The following CASQ2 variants were observed in gnomAD, a reference collection of about 807,000 sequenced individuals.
The protein encoded by CASQ2 is calsequestrin 2, also known as calsequestrin-2.
CASQ2 carries 49 observed loss-of-function variants against 46.5 expected under a neutral mutation model. That is an observed-to-expected ratio of 1.05 (90% CI 0.84 to 1.34). The LOEUF is 1.34. Ranked by LOEUF, CASQ2 falls within the 40% of genes most tolerant of loss-of-function variation. The pLI is 0.00. For synonymous variants in CASQ2, 174 were observed against 168.5 expected (o/e 1.03, Z -0.25); for missense variants, 486 against 481.3 (o/e 1.01, Z -0.09).
rs552524244 is a variant in CASQ2 at position 115,757,983 on chromosome 1, A to G, written c.234+10325T>C. On this transcript the variant is annotated intron_variant, in intron 1 of 10. Transcript: ENST00000261448. ...GCCAAGCAACAGCCCATTGGCTCGC[A>G]TTAGTCATTTAGGTTCAACACATAG... is the stretch of plus-strand genomic sequence containing the variant. Among the ~76,000 whole-genome samples, 99 of 152,320 alleles carry G rather than the reference A, an allele frequency of 6.5e-4. 1 individual carries two copies. Among genetic ancestry groups the G allele is most frequent in the Non-Finnish European group, 1.2e-3 (79 of 68,032 alleles).
At chr1:115,759,031 A>G (rs1343988036) in intron 1 of CASQ2, among the ~76,000 whole-genome samples, 1 of 152,232 alleles carries the variant, frequency 6.6e-6, no homozygotes, top group East Asian at 1.9e-4. Flanking sequence ...GTGCATGGAA[A>G]GTGTGATTTA....
intron 1 of CASQ2, among the ~76,000 whole-genome samples, chr1:115,748,876 A>G (rs758656273): frequency 6.6e-6 from 1 of 152,162 alleles, no homozygotes. Flanking sequence ...AGCCTCTGAC[A>G]GTGGTTCTTA....
intron 8 of CASQ2, among the ~76,000 whole-genome samples, chr1:115,706,243 A>C (rs924855039): frequency 1.3e-5 from 2 of 152,138 alleles, no homozygotes; most frequent in African/African-American, 4.8e-5. Context: ...CCATGTGTGC[A>C]TGTGTGTCCA....
intron 1 of CASQ2, among the ~76,000 whole-genome samples, chr1:115,750,398 C>T (rs1648537366): frequency 1.3e-5 from 2 of 152,156 alleles, no homozygotes; most frequent in African/African-American, 4.8e-5. Flanking sequence ...AGCCTCTGGG[C>T]ATTGGTCAGT....
At chr1:115,728,112 A>C (rs1036719879) in intron 5 of CASQ2, among the ~76,000 whole-genome samples, 11 of 152,108 alleles carry the variant, frequency 7.2e-5, no homozygotes, top group Admixed American at 3.9e-4. Context: ...ATTGCCTAAG[A>C]GCTGATGCAC....
intron 9 of CASQ2, among the ~76,000 whole-genome samples, chr1:115,704,813 T>G (rs1654308699): frequency 6.6e-6 from 1 of 152,222 alleles, no homozygotes; most frequent in Non-Finnish European, 1.5e-5. Flanking sequence ...ATCTCTGATT[T>G]TTATTACTTA....
rs145482197 is a variant in CASQ2 at position 115,726,964 on chromosome 1, C to T, written c.737+28G>A. On this transcript the variant is annotated intron_variant, in intron 6 of 10. Transcript: ENST00000261448. ...CTCTCCATTCCCCAGACCCCAGGCCCCCAGCCCCCACATGCCATCTCAGGC... is the reference window on the plus strand; with the variant it reads ...CTCTCCATTCCCCAGACCCCAGGCCTCCAGCCCCCACATGCCATCTCAGGC... 7.4e-4 allele frequency: 1,125 copies of T among 1,511,160 alleles called. 9 individuals carry two copies. In the African/African-American group the frequency reaches 0.014, roughly 19 times the overall value. 93.6% of individuals were successfully genotyped at this position (1,511,160 alleles called of 1,614,324 possible).
rs890900923 is a variant in CASQ2 at position 115,700,713 on chromosome 1, G to C, written c.*528C>G. 2.9e-6 allele frequency: 1 copy of C among 349,416 alleles called. No individual in the cohort carries two copies. Among genetic ancestry groups the C allele is most frequent in the Non-Finnish European group, 5.2e-6 (1 of 193,682 alleles). The allele number at this position is 349,416 out of a possible 1,614,324, so 21.6% of individuals were successfully genotyped here. A position where few individuals can be genotyped will look rare whatever the true frequency, so the allele number is the denominator to read the frequency against. On this transcript the variant is annotated 3_prime_UTR_variant, in exon 11 of 11. Transcript: ENST00000261448. ...AAAGCCATGAGAATATGATTTATAAGTTTGCTTCCAAGGCTGAGCCTTCTC... is the reference window on the plus strand; with the variant it reads ...AAAGCCATGAGAATATGATTTATAACTTTGCTTCCAAGGCTGAGCCTTCTC...
intron 5 of CASQ2, among the ~76,000 whole-genome samples, chr1:115,730,646 C>T (rs1647753178): frequency 6.6e-6 from 1 of 152,170 alleles, no homozygotes; most frequent in Non-Finnish European, 1.5e-5. Context: ...TCAGTAGCTT[C>T]ATAATTTTTG....
At chr1:115,756,722 G>A (rs552910623) in intron 1 of CASQ2, among the ~76,000 whole-genome samples, 27 of 152,244 alleles carry the variant, frequency 1.8e-4, no homozygotes, top group Admixed American at 8.5e-4. Context: ...TGAGGCAGGC[G>A]GATCACCTGA....
intron 1 of CASQ2, among the ~76,000 whole-genome samples, chr1:115,748,597 A>G (rs1041996078): frequency 6.7e-6 from 1 of 150,374 alleles, no homozygotes; most frequent in Non-Finnish European, 1.5e-5. Flanking sequence ...AGGCATCATC[A>G]GTGTTTATGT....
chr1:115,728,817 A>G (rs956879431), intron 5 of CASQ2, among the ~76,000 whole-genome samples: 6 of 152,176 alleles, frequency 3.9e-5, no homozygotes, highest in Non-Finnish European at 5.9e-5. Context: ...GAGCAGAGCC[A>G]GAAGTCAAAC....
chr1:115,712,608 T>C (rs1654582850), intron 8 of CASQ2, among the ~76,000 whole-genome samples: 1 of 152,166 alleles, frequency 6.6e-6, no homozygotes, highest in Non-Finnish European at 1.5e-5. Flanking sequence ...ACTTGTTAAG[T>C]GCTTGGAATA....
In CASQ2 at chr1:115,768,577, T is replaced by C. The variant is rs4074537; in HGVS notation, c.-36A>G. ...TTTTGTTTCTCGTTCCCAAATATGC[T>C]GTGTGCAGAATAGAGGACAGAAGAC... is the stretch of plus-strand genomic sequence containing the variant. On this transcript the variant is annotated 5_prime_UTR_variant, in exon 1 of 11. Transcript: ENST00000261448. The C allele has an allele frequency of 0.99, 1,315,183 of 1,326,066 alleles. 652,771 individuals are homozygous for C. Among genetic ancestry groups the C allele is most frequent in the East Asian group, 1 (42,986 of 42,986 alleles). The allele number at this position is 1,326,066 out of a possible 1,614,324, so 82.1% of individuals were successfully genotyped here. A position where few individuals can be genotyped will look rare whatever the true frequency, so the allele number is the denominator to read the frequency against.
chr1:115,706,535 T>C (rs1654368782), intron 8 of CASQ2, among the ~76,000 whole-genome samples: 1 of 152,128 alleles, frequency 6.6e-6, no homozygotes, highest in Non-Finnish European at 1.5e-5. Context: ...GGGGTTGGGG[T>C]GGAGGACCTT....
chr1:115,711,303 G>A (rs996027745), intron 8 of CASQ2, among the ~76,000 whole-genome samples: 1 of 152,160 alleles, frequency 6.6e-6, no homozygotes, highest in Non-Finnish European at 1.5e-5. Context: ...ACAGATAAAC[G>A]GCCGGGGCTG....
At chr1:115,723,270 CT>C (rs56818028) in intron 7 of CASQ2, among the ~76,000 whole-genome samples, 2,183 of 104,332 alleles carry the variant, frequency 0.021, 63 homozygotes, top group African/African-American at 0.074. Context: ...ATCTATCTAT[CT>C]ATCATCTATC....
chr1:115,738,037 G>C (rs899471892), intron 4 of CASQ2, among the ~76,000 whole-genome samples, 187 bp downstream of exon 4: 1 of 152,184 alleles, frequency 6.6e-6, no homozygotes, highest in Non-Finnish European at 1.5e-5. Context: ...TATTCTTGCA[G>C]CTTTCCTGAC....
intron 9 of CASQ2, among the ~76,000 whole-genome samples, chr1:115,704,419 A>G (rs1441835232): frequency 1.3e-5 from 2 of 152,222 alleles, no homozygotes; most frequent in Non-Finnish European, 2.9e-5. Context: ...ACCTTGTGAC[A>G]GGGATTATAA....
Sources: allele counts gnomAD v4.1 joint callset (sites outside exome capture counted in the v4.1 genomes callset), GRCh38; gene constraint gnomAD v4.1.1; transcripts MANE v1.5; gene names NCBI Gene and HGNC (gene_info 2026-07-23, HGNC 2026-07-21).